KCNC3: variants seen among roughly 807,000 people sequenced by gnomAD.
The protein encoded by KCNC3 is potassium voltage-gated channel subfamily C member 3, also known as voltage-gated potassium channel KCNC3.
KCNC3 carries 22 observed loss-of-function variants against 43.9 expected under a neutral mutation model. The ratio of observed to expected loss-of-function variants is 0.50; its 90% CI spans 0.36 to 0.72. The LOEUF (loss-of-function observed/expected upper bound fraction) is 0.72. Ranked by LOEUF, KCNC3 falls within the 30% of genes least tolerant of loss-of-function variation. The probability of loss-of-function intolerance (pLI) is 0.00; values close to 1 mark genes in which losing one functional copy is unlikely to be tolerated. For synonymous variants in KCNC3, 492 were observed against 488.0 expected (o/e 1.01, Z -0.11); for missense variants, 829 against 1,073.8 (o/e 0.77, Z 3.19).
chr19:50,330,360 C>T (rs2037173441), upstream of KCNC3, among the ~76,000 whole-genome samples: 1 of 152,082 alleles, frequency 6.6e-6, no homozygotes, highest in Admixed American at 6.5e-5. Flanking sequence ...GTCTTGAAAG[C>T]AACCAGGGTA....
chr19:50,328,285 G>A lies in KCNC3; in HGVS notation c.798C>T (p.Gly266=), dbSNP rs2037131006. The A allele has an allele frequency of 1.7e-6, 2 of 1,160,122 alleles. No homozygotes were observed. The highest frequency in any genetic ancestry group is 2.1e-6 in the Non-Finnish European group (2 of 946,490). The allele number at this position is 1,160,122 out of a possible 1,614,324, so 71.9% of individuals were successfully genotyped here. A position where few individuals can be genotyped will look rare whatever the true frequency, so the allele number is the denominator to read the frequency against. The change falls in exon 1 of 5, where the codon GGC becomes GGT. Residue 266 remains glycine, a synonymous_variant. Coordinates refer to ENST00000477616, the MANE Select transcript of KCNC3 (RefSeq NM_004977.3). ...GPPGGAGGAG[G]TWWRRWQPRV... ...GGGGCTGCCAGCGGCGCCACCATGT[G>A]CCGCCCGCGCCGCCCGCGCCCCCTG...
At chr19:50,327,671 G>C (rs574997856) in intron 1 of KCNC3, among the ~76,000 whole-genome samples, 4 of 152,136 alleles carry the variant, frequency 2.6e-5, no homozygotes, top group African/African-American at 9.6e-5. Context: ...TGAATAGGGG[G>C]CCCCAGAGAG....
Position 50,320,606 on chromosome 19 carries a change from G to C in KCNC3, c.2157C>G (p.Gly719=). The C allele has an allele frequency of 6.2e-7, 1 of 1,612,182 alleles. No homozygotes were observed. The highest frequency in any genetic ancestry group is 8.5e-7 in the Non-Finnish European group (1 of 1,179,664). ...LLTDYAPSPD[G]SIRKATGAPP... ...GGGGCACCTCACCTTTTCGGATGGAGCCATCAGGGGAAGGGGCATAGTCGG... is the reference window on the plus strand; with the variant it reads ...GGGGCACCTCACCTTTTCGGATGGACCCATCAGGGGAAGGGGCATAGTCGG... The change falls in exon 3 of 5, where the codon GGC becomes GGG. Residue 719 remains glycine (G), a synonymous_variant. Transcript: ENST00000477616.
upstream of KCNC3, among the ~76,000 whole-genome samples, chr19:50,331,443 A>T (rs557700271): frequency 2.7e-5 from 4 of 149,216 alleles, no homozygotes; most frequent in Non-Finnish European, 4.5e-5. Context: ...CTGCCCTTTC[A>T]TCTGAGTCTG....
At chr19:50,326,646 T>A (rs937024269) in intron 1 of KCNC3, among the ~76,000 whole-genome samples, 1 of 151,814 alleles carries the variant, frequency 6.6e-6, no homozygotes, top group African/African-American at 2.4e-5. Context: ...CCATTTCCAA[T>A]TGCCCCCATT....
At position 50,329,044 on chromosome 19, in the gene KCNC3, G is replaced by A. The variant is rs1318495616; in HGVS notation, c.39C>T (p.Arg13=). ...SSVCVSSFRG[R]QGASKQQPAP... ...CCGGCTGCTGCTTGCTGGCCCCCTG[G>A]CGCCCGCGGAAGGACGAGACGCAGA... The change falls in exon 1 of 5, where the codon CGC becomes CGT. Residue 13 remains arginine, a synonymous_variant. Transcript: ENST00000477616. 1.5e-5 allele frequency: 20 copies of A among 1,350,668 alleles called. No individual in the cohort carries two copies. Among genetic ancestry groups the A allele is most frequent in the African/African-American group, 3.1e-5 (2 of 64,614 alleles). 83.7% of individuals were successfully genotyped at this position (1,350,668 alleles called of 1,614,324 possible).
intron 2 of KCNC3, among the ~76,000 whole-genome samples, chr19:50,321,824 G>A (rs1007756474): frequency 1.3e-5 from 2 of 151,846 alleles, no homozygotes; most frequent in Admixed American, 6.6e-5. Flanking sequence ...GCTGGGTGTC[G>A]GGGAGAAGAT....
In KCNC3 at chr19:50,320,656, G is replaced by C; in HGVS notation, c.2107C>G (p.Arg703Gly). 1 of 1,613,494 alleles carries C rather than the reference G, an allele frequency of 6.2e-7. No homozygotes were observed. The highest frequency in any genetic ancestry group is 2.2e-5 in the East Asian group (1 of 44,850). The change falls in exon 3 of 5, where the codon CGG becomes GGG. Residue 703 changes from arginine to glycine, a missense_variant. Transcript: ENST00000477616. The stretch of plus-strand genomic sequence containing the variant: ...GTGAGGAGGAAGCAGGCTCGGTCCC[G>C]GCTATAGCGGCCACGGCTTCCAGGC... Reference protein sequence around the residue: ...ITPGSRGRYSRDRACFLLTDY... With the variant: ...ITPGSRGRYSGDRACFLLTDY...
At chr19:50,326,191 A>T (rs1159369799) in intron 1 of KCNC3, among the ~76,000 whole-genome samples, 1 of 152,188 alleles carries the variant, frequency 6.6e-6, no homozygotes, top group African/African-American at 2.4e-5. Flanking sequence ...CACCCAAAAC[A>T]CATTGGCGGA....
In KCNC3 at chr19:50,328,366, G is replaced by T; in HGVS notation, c.717C>A (p.Gly239=). 8.4e-7 allele frequency: 1 copy of T among 1,195,218 alleles called. No individual in the cohort carries two copies. The highest frequency in any genetic ancestry group is 3.8e-5 in the East Asian group (1 of 26,356). The allele number at this position is 1,195,218 out of a possible 1,614,324, so 74.0% of individuals were successfully genotyped here. A position where few individuals can be genotyped will look rare whatever the true frequency, so the allele number is the denominator to read the frequency against. Residue 239 remains glycine, a synonymous_variant, in exon 1 of 5, where the codon GGC becomes GGA. Transcript: ENST00000477616. ...GGAAGCAGAGGCGCTTGAGCTCGCC[G>T]CCCGCTCCGTCCAGGCCGCCGCCGC... is the stretch of plus-strand genomic sequence containing the variant. ...GAGGGGLDGA[G]GELKRLCFQD... is the part of the protein sequence containing the mutation.
At chr19:50,318,381 G>A (rs1056429188) in intron 4 of KCNC3, among the ~76,000 whole-genome samples, 15 of 150,310 alleles carry the variant, frequency 1.0e-4, no homozygotes, top group Non-Finnish European at 1.9e-4. Context: ...CACCATGTTG[G>A]CCAGGCTGGT....
At chr19:50,330,151 C>T (rs1236372470), upstream of KCNC3, among the ~76,000 whole-genome samples, 2 of 152,062 alleles carry the variant, frequency 1.3e-5, no homozygotes, top group African/African-American at 2.4e-5. Flanking sequence ...CCTGTAGTCC[C>T]AGCTAGTCGG....
At chr19:50,320,402 G>A (rs2037014013) in intron 3 of KCNC3, 53 bp from the exon 4 acceptor site, 1 of 596,582 alleles carries the variant, frequency 1.7e-6, no homozygotes, top group East Asian at 2.9e-5. Context: ...ATGGAATAAA[G>A]ACAGGTGAAG....
At position 50,328,534 on chromosome 19, in the gene KCNC3, G is replaced by A. The variant is rs774598932; in HGVS notation, c.549C>T (p.Ala183=). Reference sequence around the variant, plus strand: ...GCTGCCGGTAGGTCATCCAGCAGCAGGCCTCCACGTCGGTCTCGTCGATGC... The same window carrying A: ...GCTGCCGGTAGGTCATCCAGCAGCAAGCCTCCACGTCGGTCTCGTCGATGC... ...FWGIDETDVE[A]CCWMTYRQHR... The change falls in exon 1 of 5, where the codon GCC becomes GCT. Residue 183 remains alanine (A), a synonymous_variant. Transcript: ENST00000477616. 5.0e-6 allele frequency: 8 copies of A among 1,610,922 alleles called. No homozygotes were observed. Among genetic ancestry groups the A allele is most frequent in the Admixed American group, 1.7e-5 (1 of 60,008 alleles).
At position 50,329,040 on chromosome 19, in the gene KCNC3, C is replaced by G; in HGVS notation, c.43G>C (p.Gly15Arg). The G allele has an allele frequency of 7.4e-7, 1 of 1,343,514 alleles. No homozygotes were observed. The allele number at this position is 1,343,514 out of a possible 1,614,324, so 83.2% of individuals were successfully genotyped here. The change falls in exon 1 of 5, where the codon GGG becomes CGG. Residue 15 changes from glycine (G) to arginine (R), a missense_variant. This residue lies in a region of KCNC3 where 129 missense variants were observed against 83.6 expected (regional missense o/e 1.54). Coordinates refer to ENST00000477616, the MANE Select transcript of KCNC3 (RefSeq NM_004977.3). ...GGCGCCGGCTGCTGCTTGCTGGCCCCCTGGCGCCCGCGGAAGGACGAGACG... is the reference window on the plus strand; with the variant it reads ...GGCGCCGGCTGCTGCTTGCTGGCCCGCTGGCGCCCGCGGAAGGACGAGACG... ...VCVSSFRGRQ[G>R]ASKQQPAPPP...
rs775763602 is a variant in KCNC3, at chr19:50,323,313, G to A, written c.1640C>T (p.Ser547Leu). Residue 547 changes from serine (S) to leucine (L), a missense_variant, in exon 2 of 5, where the codon TCG becomes TTG. Ser to Leu is a moderately radical substitution (Grantham distance 145). Around this residue, in one of 7 missense-constraint regions of KCNC3, gnomAD observed 33 missense variants for 96.0 expected, o/e 0.34. Coordinates refer to ENST00000477616, the MANE Select transcript of KCNC3 (RefSeq NM_004977.3). ...CAGCTTCTGCTTGGCCATGGCCAGC[G>A]AATAGTACATGCCAAAGTTGTTGAC... ...VIVNNFGMYYSLAMAKQKLPK... is the reference protein window; with the variant it reads ...VIVNNFGMYYLLAMAKQKLPK... 1.9e-6 allele frequency: 3 copies of A among 1,613,424 alleles called. No homozygotes were observed. Among genetic ancestry groups the A allele is most frequent in the South Asian group, 2.2e-5 (2 of 91,082 alleles).
At position 50,315,816 on chromosome 19, in the gene KCNC3, G is replaced by C. The variant is rs2036944341; in HGVS notation, c.*299C>G. The C allele has an allele frequency of 4.1e-6, 1 of 243,932 alleles. No homozygotes were observed. Among genetic ancestry groups the C allele is most frequent in the Non-Finnish European group, 8.3e-6 (1 of 120,954 alleles). The allele number at this position is 243,932 out of a possible 1,614,324, so 15.1% of individuals were successfully genotyped here. On this transcript the variant is annotated 3_prime_UTR_variant, in exon 5 of 5. Coordinates refer to ENST00000477616, the MANE Select transcript of KCNC3 (RefSeq NM_004977.3). ...TCTCACAGGCATCTCACAGCTAATGGGACTCAAGATCCAGCAACAGTGTGT... is the reference window on the plus strand; with the variant it reads ...TCTCACAGGCATCTCACAGCTAATGCGACTCAAGATCCAGCAACAGTGTGT...
chr19:50,316,292 G>C (rs1344241092), intron 4 of KCNC3, among the ~76,000 whole-genome samples: 3 of 151,926 alleles, frequency 2.0e-5, no homozygotes, highest in Non-Finnish European at 4.4e-5. Flanking sequence ...GGCTGGCTGG[G>C]GAGGGGGAGG....
rs2037068276 is a variant in KCNC3 at position 50,323,838 on chromosome 19, T to C, written c.1115A>G (p.Asp372Gly). ...EFLMRITFCP[D>G]KVEFLKSSLN... ...GCTGCTTTTAAGAAACTCCACCTTG[T>C]CTGGGCAGAAGGTGATGCGCATGAG... is the stretch of plus-strand genomic sequence containing the variant. The change falls in exon 2 of 5, where the codon GAC (aspartate) becomes GGC (glycine). Residue 372 changes from aspartate to glycine, a missense_variant. Asp to Gly is a moderately conservative substitution (Grantham distance 94, BLOSUM62 -1). This residue lies in a region of KCNC3 where 157 missense variants were observed against 293.5 expected (regional missense o/e 0.53). Transcript: ENST00000477616. 1.2e-6 allele frequency: 2 copies of C among 1,614,152 alleles called. No homozygotes were observed. The highest frequency in any genetic ancestry group is 1.7e-6 in the Non-Finnish European group (2 of 1,180,028).
Sources: gnomAD v4.1 joint callset for allele counts (sites outside exome capture counted in the v4.1 genomes callset) on GRCh38, gnomAD v4.1.1 for gene constraint, gnomAD v4.1.1 regional missense constraint, MANE v1.5 for transcripts, NCBI Gene and HGNC (gene_info 2026-07-23, HGNC 2026-07-21) for gene names.